B3GALT1: variants seen among roughly 807,000 people sequenced by gnomAD.
The protein encoded by B3GALT1 is UDP-Gal:betaGlcNAc beta 1,3-galactosyltransferase, polypeptide 1.
In B3GALT1, 10 loss-of-function variants were observed where a neutral mutation model predicts 23.2. The observed-to-expected ratio is 0.43, with a 90% confidence interval of 0.27 to 0.73. The LOEUF (loss-of-function observed/expected upper bound fraction) is 0.73, where lower values mean the gene tolerates loss of function less well. B3GALT1 is among the 30% of genes least tolerant of loss of function. The probability of loss-of-function intolerance (pLI) is 0.21; values close to 1 mark genes in which losing one functional copy is unlikely to be tolerated. For missense variants in B3GALT1, 299 were observed against 405.4 expected (o/e 0.74, Z 2.25); for synonymous variants, 156 against 141.5 (o/e 1.10, Z -0.73).
intron 3 of B3GALT1, among the ~76,000 whole-genome samples, chr2:167,690,206 T>TA (rs968946238): frequency 6.6e-6 from 1 of 151,866 alleles, no homozygotes; most frequent in Non-Finnish European, 1.5e-5. Context: ...ATTTATGATT[T>TA]AAAAAAATCA....
chr2:167,680,508 A>ACAAAATCACTAAAGAACCAAGCCT (rs1377689903), intron 3 of B3GALT1, among the ~76,000 whole-genome samples: 17 of 151,890 alleles, frequency 1.1e-4, no homozygotes, highest in Non-Finnish European at 2.2e-4. Context: ...CTTTCTAATG[A>ACAAAATCACTAAAGAACCAAGCCT]CCAAATTTTT....
intron 2 of B3GALT1, among the ~76,000 whole-genome samples, chr2:167,581,336 T>C (rs1206369967): frequency 4.6e-5 from 7 of 152,242 alleles, no homozygotes; most frequent in Non-Finnish European, 1.0e-4. Flanking sequence ...TAAAGTGTAA[T>C]GTGCCTTTAG....
At chr2:167,450,694 A>G (rs1392183702) in intron 1 of B3GALT1, among the ~76,000 whole-genome samples, 3 of 152,126 alleles carry the variant, frequency 2.0e-5, no homozygotes, top group Non-Finnish European at 4.4e-5. Flanking sequence ...TTTTTCAATG[A>G]ATTTCCCAGG....
At chr2:167,545,330 G>T (rs555611519) in intron 2 of B3GALT1, among the ~76,000 whole-genome samples, 1 of 151,880 alleles carries the variant, frequency 6.6e-6, no homozygotes, top group Non-Finnish European at 1.5e-5. Context: ...CCACCGGCCC[G>T]GTGTGCCTTG....
At chr2:167,605,749 G>T (rs948026638) in intron 2 of B3GALT1, among the ~76,000 whole-genome samples, 5 of 152,152 alleles carry the variant, frequency 3.3e-5, no homozygotes, top group Non-Finnish European at 2.9e-5. Context: ...CAGGCACTCT[G>T]GTAGGTACTT....
At position 167,684,802 on chromosome 2, in the gene B3GALT1, G is replaced by A. The variant is rs937903198; in HGVS notation, c.-352+37836G>A. Among the ~76,000 whole-genome samples the A allele has an allele frequency of 2.6e-5, 4 of 152,326 alleles. No individual in the cohort carries two copies. The South Asian group carries it at 8.3e-4, about 32-fold the overall frequency. On this transcript the variant is annotated intron_variant, in intron 3 of 4. Coordinates refer to ENST00000392690, the MANE Select transcript of B3GALT1 (RefSeq NM_020981.4). ...AAGGTAACTCGTACCTAATGGTGATGGCAACAGCTTGGCAGTCAGATCAGA... is the reference window on the plus strand; with the variant it reads ...AAGGTAACTCGTACCTAATGGTGATAGCAACAGCTTGGCAGTCAGATCAGA...
chr2:167,508,748 A>G (rs1699960682), intron 2 of B3GALT1, among the ~76,000 whole-genome samples: 1 of 152,250 alleles, frequency 6.6e-6, no homozygotes, highest in South Asian at 2.1e-4. Flanking sequence ...ATACATAGTA[A>G]GTACAATTTA....
chr2:167,823,680 A>G (rs1292551864), intron 4 of B3GALT1, among the ~76,000 whole-genome samples: 1 of 152,242 alleles, frequency 6.6e-6, no homozygotes, highest in African/African-American at 2.4e-5. Context: ...GTCCTCTAAC[A>G]GTGCTGATCC....
chr2:167,494,398 A>G (rs570369887), intron 2 of B3GALT1, among the ~76,000 whole-genome samples: 34 of 152,114 alleles, frequency 2.2e-4, no homozygotes, highest in African/African-American at 7.9e-4. Flanking sequence ...ATACCTAAGA[A>G]GTCCAAAATA....
chr2:167,758,764 AG>A (rs1008640441), intron 3 of B3GALT1, among the ~76,000 whole-genome samples: 3 of 152,070 alleles, frequency 2.0e-5, no homozygotes, highest in African/African-American at 7.2e-5. Flanking sequence ...ATTATTATAA[AG>A]GGTTTTTATA....
At chr2:167,583,081 G>C (rs1684516681) in intron 2 of B3GALT1, among the ~76,000 whole-genome samples, 1 of 152,168 alleles carries the variant, frequency 6.6e-6, no homozygotes, top group Admixed American at 6.6e-5. Flanking sequence ...ATGAGGGAGA[G>C]GGACAAGAAC....
At chr2:167,542,049 A>G (rs1441678740) in intron 2 of B3GALT1, among the ~76,000 whole-genome samples, 2 of 152,090 alleles carry the variant, frequency 1.3e-5, no homozygotes, top group Non-Finnish European at 2.9e-5. Context: ...GTCCTTCTGA[A>G]CCTATTTATT....
intron 3 of B3GALT1, among the ~76,000 whole-genome samples, chr2:167,739,934 AC>A (rs377340356): frequency 0.22 from 22,792 of 101,942 alleles, 2,852 homozygotes; most frequent in African/African-American, 0.3. Flanking sequence ...CTACAAAAAA[AC>A]AAACAAAAAA....
intron 3 of B3GALT1, among the ~76,000 whole-genome samples, chr2:167,738,713 C>T (rs1345389008): frequency 6.6e-6 from 1 of 152,128 alleles, no homozygotes; most frequent in Non-Finnish European, 1.5e-5. Flanking sequence ...TCAAGTAATG[C>T]CTCAAGATTC....
Position 167,414,610 on chromosome 2 carries a change from T to C in B3GALT1, c.-510-75567T>C, listed in dbSNP as rs145442823. Among the ~76,000 whole-genome samples, 668 of 152,270 alleles carry C rather than the reference T, an allele frequency of 4.4e-3. 4 individuals carry two copies. The highest frequency in any genetic ancestry group is 0.015 in the African/African-American group (609 of 41,576). ...GAACTTTCTCCAGAAAAGCCATTTA[T>C]AGGAACTGTGGAATCCTAAAGAGAT... On this transcript the variant is annotated intron_variant, in intron 1 of 4. Coordinates refer to ENST00000392690, the MANE Select transcript of B3GALT1 (RefSeq NM_020981.4).
At chr2:167,542,798 C>CTT (rs572650522) in intron 2 of B3GALT1, among the ~76,000 whole-genome samples, 2,119 of 140,854 alleles carry the variant, frequency 0.015, 18 homozygotes, top group Middle Eastern at 0.023. Context: ...TGTATTAAAG[C>CTT]TTTTTTTTTT....
chr2:167,714,640 A>T, intron 3 of B3GALT1: 1 of 1,613,826 alleles, frequency 6.2e-7, no homozygotes, highest in Non-Finnish European at 8.5e-7. Context: ...TCCTTAAATC[A>T]TTGAGGTTTC....
chr2:167,867,251 G>C (rs1232627322), intron 4 of B3GALT1, among the ~76,000 whole-genome samples: 1 of 151,876 alleles, frequency 6.6e-6, no homozygotes, highest in Middle Eastern at 3.2e-3. Flanking sequence ...TCTATTCCTA[G>C]TTTCTCTCAC....
At chr2:167,400,793 G>A (rs1698176160) in intron 1 of B3GALT1, among the ~76,000 whole-genome samples, 4 of 152,078 alleles carry the variant, frequency 2.6e-5, no homozygotes, top group African/African-American at 9.7e-5. Context: ...GCTTAATTGG[G>A]TGAATAGCTT....
Sources: allele counts gnomAD v4.1 joint callset (sites outside exome capture counted in the v4.1 genomes callset), GRCh38; gene constraint gnomAD v4.1.1; transcripts MANE v1.5; gene names NCBI Gene and HGNC (gene_info 2026-07-23, HGNC 2026-07-21).